COL5A2: variants seen among roughly 807,000 people sequenced by gnomAD.
COL5A2 encodes the protein collagen type V alpha 2 chain, also known as collagen alpha-2(V) chain.
In COL5A2, 23 loss-of-function variants were observed where a neutral mutation model predicts 208.2. The observed-to-expected ratio is 0.11, with a 90% CI of 0.08 to 0.16. The LOEUF is 0.16. COL5A2 is among the 10% of genes least tolerant of loss of function. The pLI is 1.00. For missense variants in COL5A2, 1,590 were observed against 1,956.4 expected (o/e 0.81, Z 3.53); for synonymous variants, 625 against 628.5 (o/e 0.99, Z 0.08).
chr2:189,373,962 C>A, the COL5A2 span, among the ~76,000 whole-genome samples: 1 of 152,106 alleles, frequency 6.6e-6, no homozygotes, highest in African/African-American at 2.4e-5. Context: ...AGCAGTGGGA[C>A]AATGTGCTCT....
the COL5A2 span, among the ~76,000 whole-genome samples, chr2:189,430,776 C>T: frequency 6.6e-6 from 1 of 152,312 alleles, no homozygotes; most frequent in South Asian, 2.1e-4. Context: ...GAACAAAAGG[C>T]AGCAGACAAC....
the COL5A2 span, among the ~76,000 whole-genome samples, chr2:189,317,603 C>G: frequency 6.6e-6 from 1 of 151,970 alleles, no homozygotes; most frequent in Non-Finnish European, 1.5e-5. Flanking sequence ...CTACATATTA[C>G]CAAATTTACA....
chr2:189,086,602 A>T (rs1001140227), intron 9 of COL5A2, 124 bp downstream of exon 9: 1 of 691,630 alleles, frequency 1.4e-6, no homozygotes, highest in Non-Finnish European at 2.5e-6. Flanking sequence ...TCCTGTTTGA[A>T]GTGAGCATTA....
chr2:189,207,609 A>G (rs1460065294), intron 1 of COL5A2, among the ~76,000 whole-genome samples: 2 of 152,182 alleles, frequency 1.3e-5, no homozygotes, highest in Non-Finnish European at 2.9e-5. Flanking sequence ...ATACAATACA[A>G]TGAAATAAGT....
rs139998704 is a variant in COL5A2 at position 189,173,331 on chromosome 2, T to C, written c.97+6177A>G. Among the ~76,000 whole-genome samples the C allele has an allele frequency of 5.9e-5, 9 of 152,282 alleles. No individual in the cohort carries two copies. In the East Asian group the frequency reaches 1.7e-3, roughly 29 times the overall value. ...GGAATAATCTTGCTTTATTGTAATT[T>C]CCCTTATACATTGTTTCTTAGTGAA... On this transcript the variant is annotated intron_variant, in intron 1 of 53. Coordinates refer to ENST00000374866, the MANE Select transcript of COL5A2 (RefSeq NM_000393.5).
At chr2:189,160,124 A>G (rs1227063456) in intron 1 of COL5A2, among the ~76,000 whole-genome samples, 2 of 152,120 alleles carry the variant, frequency 1.3e-5, no homozygotes, top group Non-Finnish European at 2.9e-5. Flanking sequence ...CCTGAAATAG[A>G]AGCCAGAAAA....
chr2:189,246,528 G>A, the COL5A2 span, among the ~76,000 whole-genome samples: 14 of 152,302 alleles, frequency 9.2e-5, no homozygotes, highest in Admixed American at 5.2e-4. Context: ...TAGAGGTAAC[G>A]CTGAGAATTT....
At chr2:189,058,233 A>G (rs1342034808) in intron 33 of COL5A2, among the ~76,000 whole-genome samples, 196 bp downstream of exon 33, 2 of 152,202 alleles carry the variant, frequency 1.3e-5, no homozygotes, top group Non-Finnish European at 2.9e-5. Flanking sequence ...ATCAAAGAAG[A>G]GAGTCTTCTT....
At chr2:189,082,747 C>CT (rs977162308) in intron 12 of COL5A2, among the ~76,000 whole-genome samples, 1 of 152,196 alleles carries the variant, frequency 6.6e-6, no homozygotes, top group Non-Finnish European at 1.5e-5. Flanking sequence ...CTGTGGTGTG[C>CT]TGGCAGGGCA....
intron 20 of COL5A2, 45 bp from the exon 21 acceptor site, chr2:189,068,158 C>G (rs762608089): frequency 1.2e-6 from 2 of 1,600,430 alleles, no homozygotes; most frequent in African/African-American, 1.3e-5. Context: ...ACACAGGTAG[C>G]AGTCTGGGGC....
At chr2:189,047,410 C>CT (rs36010364) in intron 45 of COL5A2, among the ~76,000 whole-genome samples, 5 of 151,872 alleles carry the variant, frequency 3.3e-5, no homozygotes, top group Admixed American at 2.6e-4. Context: ...CTTTCTTCCC[C>CT]TTTTTTTTCA....
the COL5A2 span, among the ~76,000 whole-genome samples, chr2:189,318,741 A>T: frequency 6.6e-6 from 1 of 152,204 alleles, no homozygotes; most frequent in Non-Finnish European, 1.5e-5. Flanking sequence ...TCATCACTTC[A>T]TCTCCTCTCT....
chr2:189,439,015 T>C, the COL5A2 span, among the ~76,000 whole-genome samples: 1 of 152,194 alleles, frequency 6.6e-6, no homozygotes, highest in African/African-American at 2.4e-5. Flanking sequence ...AAAGGAATAC[T>C]CTTTCCTCTG....
the COL5A2 span, among the ~76,000 whole-genome samples, chr2:189,315,914 A>T: frequency 6.6e-6 from 1 of 152,200 alleles, no homozygotes; most frequent in Admixed American, 6.5e-5. Flanking sequence ...TACACCAGTC[A>T]GAATGACTAT....
intron 8 of COL5A2, among the ~76,000 whole-genome samples, chr2:189,087,103 C>T (rs1686679439): frequency 6.6e-6 from 1 of 152,186 alleles, no homozygotes; most frequent in Non-Finnish European, 1.5e-5. Flanking sequence ...AAAATCTTGG[C>T]TGACATAAGT....
chr2:189,397,543 T>A, the COL5A2 span, among the ~76,000 whole-genome samples: 1 of 152,154 alleles, frequency 6.6e-6, no homozygotes, highest in Non-Finnish European at 1.5e-5. Flanking sequence ...TCTCTTTTAA[T>A]CATGTCAGTT....
intron 1 of COL5A2, chr2:189,133,209 C>G (rs1687757082): frequency 6.7e-6 from 1 of 149,610 alleles, no homozygotes; most frequent in Admixed American, 6.7e-5. Flanking sequence ...CAACCTCCAC[C>G]TCCCGGGTTC....
At chr2:189,370,314 G>T in the COL5A2 span, among the ~76,000 whole-genome samples, 1 of 152,126 alleles carries the variant, frequency 6.6e-6, no homozygotes, top group East Asian at 1.9e-4. Flanking sequence ...CTCATCTGCA[G>T]AACAACAATA....
the COL5A2 span, among the ~76,000 whole-genome samples, chr2:189,242,049 G>A: frequency 6.6e-6 from 1 of 151,984 alleles, no homozygotes; most frequent in Non-Finnish European, 1.5e-5. Context: ...TTGTCTATTG[G>A]GGTTCCTCTT....
Sources: gnomAD v4.1 joint callset for allele counts (sites outside exome capture counted in the v4.1 genomes callset) on GRCh38, gnomAD v4.1.1 for gene constraint, MANE v1.5 for transcripts, NCBI Gene and HGNC (gene_info 2026-07-23, HGNC 2026-07-21) for gene names.